The following GRM8 variants were observed in gnomAD, a reference collection of about 807,000 sequenced individuals.
GRM8 encodes glutamate metabotropic receptor 8.
Under a neutral mutation model 87.2 loss-of-function variants are expected in GRM8, and 47 were observed. The ratio of observed to expected loss-of-function variants is 0.54; its 90% CI spans 0.43 to 0.69. GRM8 has a LOEUF of 0.69. Ranked by LOEUF, GRM8 falls within the 30% of genes least tolerant of loss-of-function variation. The pLI is 0.00. For synonymous variants in GRM8, 396 were observed against 404.5 expected (o/e 0.98, Z 0.25); for missense variants, 1,019 against 1,139.2 (o/e 0.89, Z 1.52).
chr7:126,898,520 G>T (rs1235069562), intron 6 of GRM8, among the ~76,000 whole-genome samples: 1 of 152,138 alleles, frequency 6.6e-6, no homozygotes, highest in Admixed American at 6.5e-5. Context: ...TTCCCTAGGG[G>T]TGCATTTGCC....
chr7:126,645,169 A>G (rs2151218850), intron 7 of GRM8, among the ~76,000 whole-genome samples: 1 of 152,368 alleles, frequency 6.6e-6, no homozygotes, highest in African/African-American at 2.4e-5. Flanking sequence ...CCACAAGAAT[A>G]GGATTATGGG....
chr7:127,150,718 C>A (rs1484190399), intron 2 of GRM8, among the ~76,000 whole-genome samples: 1 of 152,064 alleles, frequency 6.6e-6, no homozygotes, highest in African/African-American at 2.4e-5. Flanking sequence ...CCAGTTCTGT[C>A]CTCAACCTCT....
At chr7:127,112,559 T>C (rs973364390) in intron 2 of GRM8, among the ~76,000 whole-genome samples, 2 of 151,648 alleles carry the variant, frequency 1.3e-5, no homozygotes, top group African/African-American at 2.4e-5. Flanking sequence ...TTTTCTTCCA[T>C]GTATCCTAAC....
intron 9 of GRM8, among the ~76,000 whole-genome samples, chr7:126,509,384 T>A (rs983052920): frequency 6.6e-6 from 1 of 151,990 alleles, no homozygotes; most frequent in African/African-American, 2.4e-5. Flanking sequence ...TATATATTTG[T>A]CCAGGTAATG....
At chr7:126,932,780 T>C (rs1342656429) in intron 3 of GRM8, among the ~76,000 whole-genome samples, 1 of 152,124 alleles carries the variant, frequency 6.6e-6, no homozygotes, top group East Asian at 1.9e-4. Flanking sequence ...GGGTGAATAT[T>C]ATAGGTCACA....
At chr7:126,606,553 C>T (rs1342804844) in intron 8 of GRM8, among the ~76,000 whole-genome samples, 1 of 152,180 alleles carries the variant, frequency 6.6e-6, no homozygotes, top group Non-Finnish European at 1.5e-5. Flanking sequence ...ACTCCACCTT[C>T]AAGCAGGTGA....
intron 3 of GRM8, among the ~76,000 whole-genome samples, chr7:126,924,031 G>GAAAGGATC (rs1804824156): frequency 6.6e-6 from 1 of 152,158 alleles, no homozygotes; most frequent in Non-Finnish European, 1.5e-5. Flanking sequence ...CAGTTCTCCA[G>GAAAGGATC]AAAGGATCTG....
rs1353799882 is a variant in GRM8 at position 127,235,636 on chromosome 7, A to C, written c.510+7059T>G. ...TATGATTAAAAACCAAGCAATTATTAAAAAAATAAAGTCCTGCAGTTCTCA... is the reference window on the plus strand; with the variant it reads ...TATGATTAAAAACCAAGCAATTATTCAAAAAATAAAGTCCTGCAGTTCTCA... On this transcript the variant is annotated intron_variant, in intron 2 of 10. Coordinates refer to ENST00000339582, the MANE Select transcript of GRM8 (RefSeq NM_000845.3). Among the ~76,000 whole-genome samples the C allele has an allele frequency of 2.0e-5, 3 of 152,342 alleles. No homozygotes were observed. In the East Asian group the frequency reaches 5.8e-4, roughly 29 times the overall value.
chr7:126,981,153 C>T (rs1811485406), intron 3 of GRM8: 1 of 152,788 alleles, frequency 6.5e-6, no homozygotes, highest in South Asian at 2.1e-4. Flanking sequence ...CAAACCAGCA[C>T]CACTTCAAGG....
chr7:126,742,878 T>C (rs894353497), intron 7 of GRM8, among the ~76,000 whole-genome samples: 1 of 152,152 alleles, frequency 6.6e-6, no homozygotes, highest in Non-Finnish European at 1.5e-5. Flanking sequence ...ATTGCCTATT[T>C]ATAAGGCTGG....
chr7:127,054,502 T>C (rs11563763), intron 3 of GRM8, among the ~76,000 whole-genome samples: 3,235 of 152,258 alleles, frequency 0.021, 110 homozygotes, highest in African/African-American at 0.074. Flanking sequence ...GTCAATAATA[T>C]GCATTGCATT....
At chr7:127,036,086 G>A (rs920739005) in intron 3 of GRM8, among the ~76,000 whole-genome samples, 1 of 152,146 alleles carries the variant, frequency 6.6e-6, no homozygotes. Context: ...TATTTGTTAA[G>A]CTAATTCCAG....
At chr7:127,079,143 CAG>C (rs1387818933) in intron 3 of GRM8, among the ~76,000 whole-genome samples, 2 of 151,766 alleles carry the variant, frequency 1.3e-5, no homozygotes, top group East Asian at 3.9e-4. Context: ...TTTTCTGAGA[CAG>C]AGTCTTGCTC....
chr7:126,963,143 G>C (rs753778485), intron 3 of GRM8, among the ~76,000 whole-genome samples: 1 of 152,084 alleles, frequency 6.6e-6, no homozygotes. Flanking sequence ...TTGCCTTATC[G>C]TGAGACCATA....
intron 9 of GRM8, among the ~76,000 whole-genome samples, chr7:126,521,993 G>A (rs1305300106): frequency 6.6e-6 from 1 of 151,816 alleles, no homozygotes; most frequent in African/African-American, 2.4e-5. Flanking sequence ...TCACTATTTT[G>A]AGCCCAAATA....
chr7:126,706,819 G>C (rs1810574522), intron 7 of GRM8, among the ~76,000 whole-genome samples: 1 of 152,142 alleles, frequency 6.6e-6, no homozygotes, highest in African/African-American at 2.4e-5. Flanking sequence ...AGCATTATGT[G>C]AATTCTTCAC....
chr7:126,626,893 T>C (rs1800762655), intron 7 of GRM8, among the ~76,000 whole-genome samples: 1 of 152,106 alleles, frequency 6.6e-6, no homozygotes, highest in East Asian at 1.9e-4. Context: ...TCTTAATAAT[T>C]TCCATGAACA....
At chr7:126,784,771 AT>A (rs111910202) in intron 6 of GRM8, among the ~76,000 whole-genome samples, 4,677 of 152,250 alleles carry the variant, frequency 0.031, 256 homozygotes, top group African/African-American at 0.11. Context: ...CTCAGGTTAA[AT>A]AACCTGCCCA....
At chr7:126,928,997 G>A (rs924708162) in intron 3 of GRM8, among the ~76,000 whole-genome samples, 1 of 152,190 alleles carries the variant, frequency 6.6e-6, no homozygotes, top group Admixed American at 6.5e-5. Flanking sequence ...CTGTCCACAG[G>A]CAAAGGTGTT....
Sources: allele counts gnomAD v4.1 joint callset (sites outside exome capture counted in the v4.1 genomes callset), GRCh38; gene constraint gnomAD v4.1.1; transcripts MANE v1.5; gene names NCBI Gene and HGNC (gene_info 2026-07-23, HGNC 2026-07-21).